CREB5: variants seen among roughly 807,000 people sequenced by gnomAD.
The protein encoded by CREB5 is cyclic AMP-responsive element-binding protein 5.
A neutral mutation model predicts 57.1 loss-of-function variants in CREB5; 19 were observed. The ratio of observed to expected loss-of-function variants is 0.33; its 90% CI spans 0.23 to 0.49. The LOEUF is 0.49. Ranked by LOEUF, CREB5 falls within the 20% of genes least tolerant of loss-of-function variation. The pLI, the probability that CREB5 is intolerant of heterozygous loss-of-function variation, is 0.99. For missense variants in CREB5, 579 were observed against 671.6 expected (o/e 0.86, Z 1.52); for synonymous variants, 238 against 238.3 (o/e 1.00, Z 0.01).
chr7:28,623,376 C>T (rs1342754982), intron 5 of CREB5, among the ~76,000 whole-genome samples: 1 of 152,170 alleles, frequency 6.6e-6, no homozygotes, highest in Non-Finnish European at 1.5e-5. Flanking sequence ...TATTTTTAGC[C>T]AGAGTCATCA....
At chr7:28,730,972 G>A (rs1446873578) in intron 7 of CREB5, among the ~76,000 whole-genome samples, 1 of 152,180 alleles carries the variant, frequency 6.6e-6, no homozygotes, top group Non-Finnish European at 1.5e-5. Context: ...CAAATTAGTA[G>A]CTCAGGCCCC....
chr7:28,622,917 T>A (rs1263317962), intron 5 of CREB5, among the ~76,000 whole-genome samples: 1 of 152,164 alleles, frequency 6.6e-6, no homozygotes, highest in Non-Finnish European at 1.5e-5. Flanking sequence ...TTTTTCTTTT[T>A]GAGACAGAGT....
At position 28,824,567 on chromosome 7, in the gene CREB5, CA is replaced by C; in HGVS notation, c.*5290del. ...AGACGACACAGCAGCAATAAACTTA[CA>C]AGTAAAATTCAATACCAAAACAAAC... On this transcript the variant is annotated 3_prime_UTR_variant, in exon 11 of 11. Transcript: ENST00000357727. 1 of 152,624 alleles carries C rather than the reference CA, an allele frequency of 6.6e-6. No individual in the cohort carries two copies. The highest frequency in any genetic ancestry group is 1.5e-5 in the Non-Finnish European group (1 of 68,002). The allele number at this position is 152,624 out of a possible 1,614,324, so 9.5% of individuals were successfully genotyped here.
At chr7:28,639,735 C>T (rs1798572688) in intron 5 of CREB5, among the ~76,000 whole-genome samples, 1 of 152,078 alleles carries the variant, frequency 6.6e-6, no homozygotes, top group Non-Finnish European at 1.5e-5. Context: ...ACCCAGTTCT[C>T]CAGTAAATTT....
At chr7:28,430,332 C>T (rs1416328491) in intron 1 of CREB5, among the ~76,000 whole-genome samples, 1 of 152,152 alleles carries the variant, frequency 6.6e-6, no homozygotes, top group Non-Finnish European at 1.5e-5. Context: ...GAGCCAGGCA[C>T]TGGGGAAATG....
chr7:28,504,828 T>C (rs1041288984), intron 3 of CREB5, among the ~76,000 whole-genome samples: 1 of 152,164 alleles, frequency 6.6e-6, no homozygotes, highest in Non-Finnish European at 1.5e-5. Context: ...ACAAGAAAGA[T>C]TGGCACCAAA....
At chr7:28,301,372 T>A (rs1281805235) in intron 1 of CREB5, among the ~76,000 whole-genome samples, 1 of 152,218 alleles carries the variant, frequency 6.6e-6, no homozygotes, top group Non-Finnish European at 1.5e-5. Context: ...AGACGAGTGC[T>A]ACTCAAACAC....
At position 28,722,203 on chromosome 7, in the gene CREB5, G is replaced by A. The variant is rs371062372; in HGVS notation, c.592-2019G>A. On this transcript the variant is annotated intron_variant, in intron 6 of 10. Transcript: ENST00000357727. ...ATAGCTTTTCCAAAAAGTGGGAAGC[G>A]TTGCTGACTACAATTCCAGAAGCTG... is the stretch of plus-strand genomic sequence containing the variant. 1.6e-4 allele frequency among the ~76,000 whole-genome samples: 25 copies of A among 152,264 alleles called. No homozygotes were observed. In the South Asian group the frequency reaches 3.1e-3, roughly 19 times the overall value.
At chr7:28,494,204 C>T (rs1791920949) in intron 2 of CREB5, among the ~76,000 whole-genome samples, 1 of 152,168 alleles carries the variant, frequency 6.6e-6, no homozygotes, top group Non-Finnish European at 1.5e-5. Context: ...TCTAAATTCA[C>T]TTTCATGTTT....
intron 5 of CREB5, among the ~76,000 whole-genome samples, chr7:28,658,373 C>T (rs1321186876): frequency 2.6e-5 from 4 of 152,168 alleles, no homozygotes; most frequent in Non-Finnish European, 4.4e-5. Flanking sequence ...TGCCCATGAA[C>T]TGATTTGAGT....
At chr7:28,612,927 G>C (rs979300484) in intron 5 of CREB5, among the ~76,000 whole-genome samples, 2 of 152,154 alleles carry the variant, frequency 1.3e-5, no homozygotes, top group African/African-American at 4.8e-5. Context: ...CCTTCTCAAA[G>C]ATGTATTGAA....
At chr7:28,506,419 C>G (rs971456481) in intron 3 of CREB5, among the ~76,000 whole-genome samples, 11 of 152,290 alleles carry the variant, frequency 7.2e-5, no homozygotes, top group African/African-American at 2.6e-4. Context: ...TTGAGACAGT[C>G]TAGATCAAGC....
At chr7:28,625,364 A>C (rs1410353432) in intron 5 of CREB5, among the ~76,000 whole-genome samples, 1 of 152,174 alleles carries the variant, frequency 6.6e-6, no homozygotes, top group African/African-American at 2.4e-5. Context: ...TGGTACCTCC[A>C]ACTACGGGAA....
chr7:28,662,834 A>G (rs1003821535), intron 5 of CREB5, among the ~76,000 whole-genome samples: 1 of 152,096 alleles, frequency 6.6e-6, no homozygotes, highest in African/African-American at 2.4e-5. Flanking sequence ...AGGATGGTAT[A>G]CATAAGGGTG....
chr7:28,422,069 T>G (rs962317234), intron 1 of CREB5, among the ~76,000 whole-genome samples: 1 of 151,944 alleles, frequency 6.6e-6, no homozygotes, highest in Admixed American at 6.6e-5. Context: ...ACCTGGGAGT[T>G]GAAAATTTTG....
chr7:28,818,153 T>C lies in CREB5; in HGVS notation c.1337T>C (p.Met446Thr). ...LTHKDCPITAMQKESQGYLSP... is the reference protein window; with the variant it reads ...LTHKDCPITATQKESQGYLSP... ...CATAAAGACTGCCCAATAACAGCCA[T>C]GCAGAAAGAATCACAAGGATATCTA... Residue 446 changes from methionine to threonine, a missense_variant, in exon 10 of 11, where the codon ATG (methionine) becomes ACG (threonine). By Grantham distance (81) the Met-to-Thr change is moderately conservative. Around this residue, in one of 3 missense-constraint regions of CREB5, gnomAD observed 114 missense variants for 130.8 expected, o/e 0.87. Coordinates refer to ENST00000357727, the MANE Select transcript of CREB5 (RefSeq NM_182898.4). The C allele has an allele frequency of 1.2e-6, 2 of 1,613,274 alleles. No homozygotes were observed. Among genetic ancestry groups the C allele is most frequent in the East Asian group, 2.2e-5 (1 of 44,880 alleles).
At chr7:28,453,141 A>G (rs186568442) in intron 1 of CREB5, among the ~76,000 whole-genome samples, 41 of 152,330 alleles carry the variant, frequency 2.7e-4, no homozygotes, top group African/African-American at 9.1e-4. Flanking sequence ...AAAATCATGC[A>G]AAAATACATT....
In CREB5 at chr7:28,560,968, G is replaced by GCA. The variant is rs1795219475; in HGVS notation, c.292-9397_292-9396insCA. ...TGTGTGTGCGTGTGTGTGCGTGTGT[G>GCA]TGTGCGTGTGTGCGTGCGTGTGTGT... On this transcript the variant is annotated intron_variant, in intron 4 of 10. Coordinates refer to ENST00000357727, the MANE Select transcript of CREB5 (RefSeq NM_182898.4). Among the ~76,000 whole-genome samples, 10 of 48,842 alleles carry GCA rather than the reference G, an allele frequency of 2.0e-4. 1 individual carries two copies. The South Asian group carries it at 6.0e-3, about 29-fold the overall frequency. 32.0% of individuals were successfully genotyped at this position (48,842 alleles called of 152,430 possible).
At chr7:28,708,122 G>C (rs6462099) in intron 5 of CREB5, among the ~76,000 whole-genome samples, 27 of 152,170 alleles carry the variant, frequency 1.8e-4, no homozygotes, top group African/African-American at 6.5e-4. Context: ...GAAGCTCTCT[G>C]TTAGGATATA....
Sources: allele counts gnomAD v4.1 joint callset (sites outside exome capture counted in the v4.1 genomes callset), GRCh38; gene constraint gnomAD v4.1.1; regional missense constraint gnomAD v4.1.1; transcripts MANE v1.5; gene names NCBI Gene and HGNC (gene_info 2026-07-23, HGNC 2026-07-21).